The following ACSF3 variants were observed in gnomAD, a reference collection of about 807,000 sequenced individuals.
The protein encoded by ACSF3 is acyl-CoA synthetase family member 3, also known as malonate--CoA ligase ACSF3, mitochondrial.
In ACSF3, 78 loss-of-function variants were observed where a neutral mutation model predicts 53.2. The observed-to-expected ratio is 1.47, with a 90% CI of 1.22 to 1.77. The LOEUF is 1.77. Among genes scored for constraint, ACSF3 ranks in the 40% most tolerant of loss-of-function variants. The pLI is 0.00. For missense variants in ACSF3, 937 were observed against 771.1 expected (o/e 1.22, Z -2.55); for synonymous variants, 414 against 333.1 (o/e 1.24, Z -2.65).
At chr16:89,140,691 A>G (rs547330485) in intron 8 of ACSF3, among the ~76,000 whole-genome samples, 27 of 152,240 alleles carry the variant, frequency 1.8e-4, no homozygotes, top group Non-Finnish European at 3.1e-4. Context: ...GGGTCAGGAC[A>G]TCCCCCCGGC....
chr16:89,108,106 G>C (rs574257724), intron 4 of ACSF3, among the ~76,000 whole-genome samples: 1 of 152,252 alleles, frequency 6.6e-6, no homozygotes, highest in African/African-American at 2.4e-5. Flanking sequence ...ACTATCATGA[G>C]AATAGCACAG....
In ACSF3 at chr16:89,099,634, T is replaced by G. The variant is rs376012497; in HGVS notation, c.-21+871T>G. Among the ~76,000 whole-genome samples, 12 of 152,024 alleles carry G rather than the reference T, an allele frequency of 7.9e-5. No individual in the cohort carries two copies. In the East Asian group the frequency reaches 2.3e-3, roughly 29 times the overall value. On this transcript the variant is annotated intron_variant, in intron 2 of 10. Transcript: ENST00000614302. ...TCGTCTCTACTAACAATACAAAAAT[T>G]AGCCAGGCATGGTGGTGCGCACCTA...
Position 89,112,145 on chromosome 16 carries a change from A to G in ACSF3, c.876A>G (p.Ala292=). The G allele has an allele frequency of 2.7e-6, 3 of 1,126,844 alleles. No individual in the cohort carries two copies. Among genetic ancestry groups the G allele is most frequent in the Non-Finnish European group, 2.2e-6 (2 of 906,350 alleles). The allele number at this position is 1,126,844 out of a possible 1,614,324, so 69.8% of individuals were successfully genotyped here. The part of the protein sequence containing the change: ...SETPRINVFM[A]VPTIYTKLME... ...CGCCGCGGATCAATGTCTTTATGGC[A>G]GTGCCTACAATATACACCAAGCTGA... The change falls in exon 5 of 11, where the codon GCA becomes GCG. Residue 292 remains alanine (A), a synonymous_variant. Coordinates refer to ENST00000614302, the MANE Select transcript of ACSF3 (RefSeq NM_001243279.3).
intron 10 of ACSF3, chr16:89,147,778 GC>G (rs1913382207): frequency 6.6e-6 from 1 of 152,186 alleles, no homozygotes; most frequent in East Asian, 1.9e-4. Flanking sequence ...TTCCTCCCTG[GC>G]CCCTCCCAAA....
chr16:89,111,053 C>T (rs1349474004), intron 4 of ACSF3, among the ~76,000 whole-genome samples: 1 of 152,176 alleles, frequency 6.6e-6, no homozygotes, highest in Non-Finnish European at 1.5e-5. Flanking sequence ...AGTTCCACTT[C>T]TCTTTGCAAT....
chr16:89,093,883 A>G lies in ACSF3; in HGVS notation c.-307A>G. On this transcript the variant is annotated 5_prime_UTR_variant, in exon 1 of 11. Coordinates refer to ENST00000614302, the MANE Select transcript of ACSF3 (RefSeq NM_001243279.3). ...CGCCGGAACTGGTCCGGCCCGACTCACGACCCCGCGGGACCCGGCCGGAAC... is the reference window on the plus strand; with the variant it reads ...CGCCGGAACTGGTCCGGCCCGACTCGCGACCCCGCGGGACCCGGCCGGAAC... 3.1e-6 allele frequency: 1 copy of G among 321,416 alleles called. No individual in the cohort carries two copies. 19.9% of individuals were successfully genotyped at this position (321,416 alleles called of 1,614,324 possible).
chr16:89,151,847 T>C (rs1011136537), intron 10 of ACSF3: 4 of 152,184 alleles, frequency 2.6e-5, no homozygotes, highest in African/African-American at 9.7e-5. Flanking sequence ...CTTCAAGTAA[T>C]CCTCCCGCCT....
intron 8 of ACSF3, among the ~76,000 whole-genome samples, chr16:89,134,772 G>T (rs898829327): frequency 1.3e-5 from 2 of 152,142 alleles, no homozygotes; most frequent in African/African-American, 4.8e-5. Context: ...TGACTGGTCG[G>T]GTGTGAGCTA....
chr16:89,102,795 GAC>G (rs756673150), intron 4 of ACSF3, 36 bp downstream of exon 4: 1 of 1,557,146 alleles, frequency 6.4e-7, no homozygotes, highest in African/African-American at 1.5e-5. Flanking sequence ...TGCACCCTCA[GAC>G]TAGGCGCCTT....
At chr16:89,139,380 G>A (rs1911280151) in intron 8 of ACSF3, among the ~76,000 whole-genome samples, 1 of 152,054 alleles carries the variant, frequency 6.6e-6, no homozygotes, top group Admixed American at 6.5e-5. Flanking sequence ...CTTTCCCCTG[G>A]GGCTTCCTGA....
rs111414659 is a variant in ACSF3 at position 89,145,934 on chromosome 16, G to A, written c.1502-4G>A. The A allele has an allele frequency of 6.6e-5, 107 of 1,613,014 alleles. 1 individual carries two copies. The highest frequency in any genetic ancestry group is 6.1e-4 in the African/African-American group (46 of 75,026). On this transcript the variant is annotated splice_polypyrimidine_tract_variant and splice_region_variant and intron_variant, in intron 9 of 10. Transcript: ENST00000614302. ...ATGTTCTCAAACTGTTCTTCTATCC[G>A]CAGATGTGGCTGTGATTGGAGTTCC...
chr16:89,094,175 TC>T (rs1258900276), intron 1 of ACSF3, among the ~76,000 whole-genome samples, 179 bp downstream of exon 1: 1 of 146,274 alleles, frequency 6.8e-6, no homozygotes, highest in African/African-American at 2.7e-5. Context: ...ACGCCGAGCC[TC>T]TCGTGTCCGG....
chr16:89,109,216 A>G lies in ACSF3; in HGVS notation c.823-2876A>G, dbSNP rs1252709603. 8.5e-5 allele frequency among the ~76,000 whole-genome samples: 12 copies of G among 140,854 alleles called. No homozygotes were observed. The Admixed American group carries it at 8.7e-4, about 10-fold the overall frequency. The allele number at this position is 140,854 out of a possible 152,430, so 92.4% of individuals were successfully genotyped here. ...CACTGCACTCCAGCCTGGGCAACAG[A>G]GCAAGACTGTCTCAAAAAAAAAAAA... On this transcript the variant is annotated intron_variant, in intron 4 of 10. Coordinates refer to ENST00000614302, the MANE Select transcript of ACSF3 (RefSeq NM_001243279.3).
chr16:89,102,304 C>T (rs955613313), intron 3 of ACSF3: 26 of 449,544 alleles, frequency 5.8e-5, no homozygotes, highest in African/African-American at 2.6e-4. Context: ...TGGGCAGGGG[C>T]GGAGCTCTGT....
chr16:89,108,243 T>G (rs753002293), intron 4 of ACSF3, among the ~76,000 whole-genome samples: 1 of 152,220 alleles, frequency 6.6e-6, no homozygotes, highest in Non-Finnish European at 1.5e-5. Context: ...CAGGAGTCCT[T>G]AAATTTGTTA....
chr16:89,132,430 TC>T (rs2151518482), intron 7 of ACSF3, among the ~76,000 whole-genome samples: 1 of 152,360 alleles, frequency 6.6e-6, no homozygotes, highest in African/African-American at 2.4e-5. Flanking sequence ...TGCCATCTGT[TC>T]CTGGTGCTGC....
intron 1 of ACSF3, among the ~76,000 whole-genome samples, chr16:89,095,759 G>A (rs548578307): frequency 7.2e-5 from 11 of 152,350 alleles, no homozygotes; most frequent in African/African-American, 2.6e-4. Flanking sequence ...GCGGCCGTTT[G>A]TCTTCTGCCT....
chr16:89,093,908 C>T lies in ACSF3; in HGVS notation c.-282C>T. On this transcript the variant is annotated 5_prime_UTR_variant, in exon 1 of 11. Transcript: ENST00000614302. ...ACGACCCCGCGGGACCCGGCCGGAA[C>T]CCGGCCCGACCCCGGCGCGCGCGCG... is the stretch of plus-strand genomic sequence containing the variant. 1 of 327,796 alleles carries T rather than the reference C, an allele frequency of 3.1e-6. No homozygotes were observed. The highest frequency in any genetic ancestry group is 2.1e-5 in the South Asian group (1 of 47,634). The allele number at this position is 327,796 out of a possible 1,614,324, so 20.3% of individuals were successfully genotyped here.
chr16:89,111,964 T>A, intron 4 of ACSF3, 128 bp from the exon 5 acceptor site: 1 of 453,358 alleles, frequency 2.2e-6, no homozygotes, highest in Non-Finnish European at 3.3e-6. Context: ...GAGGCACCCC[T>A]TTTAGAAGGG....
Sources: allele counts gnomAD v4.1 joint callset (sites outside exome capture counted in the v4.1 genomes callset), GRCh38; gene constraint gnomAD v4.1.1; transcripts MANE v1.5; gene names NCBI Gene and HGNC (gene_info 2026-07-23, HGNC 2026-07-21).